The following ADGRV1 variants were observed in gnomAD, a reference collection of about 807,000 sequenced individuals.
The protein encoded by ADGRV1 is G-protein coupled receptor 98.
A neutral mutation model predicts 596.2 loss-of-function variants in ADGRV1; 359 were observed. The ratio of observed to expected loss-of-function variants is 0.60; its 90% confidence interval spans 0.55 to 0.66. ADGRV1 has a LOEUF of 0.66. Among genes scored for constraint, ADGRV1 ranks in the 30% least tolerant of loss-of-function variants. ADGRV1 has a pLI of 0.00. For missense variants in ADGRV1, 7,274 were observed against 7,575.6 expected (o/e 0.96, Z 1.48); for synonymous variants, 2,681 against 2,679.2 (o/e 1.00, Z -0.02).
chr5:90,822,200 T>A (rs1011270856), intron 75 of ADGRV1: 1 of 153,916 alleles, frequency 6.5e-6, no homozygotes, highest in South Asian at 2.0e-4. Flanking sequence ...CGTCACCCCT[T>A]TCTTTGACTC....
chr5:90,619,631 A>G (rs550759158), intron 4 of ADGRV1, among the ~76,000 whole-genome samples: 2 of 152,080 alleles, frequency 1.3e-5, no homozygotes, highest in Non-Finnish European at 2.9e-5. Context: ...TTTAAGTTTT[A>G]GGGTACATGT....
chr5:90,839,334 C>T (rs990270924), intron 77 of ADGRV1, among the ~76,000 whole-genome samples: 16 of 152,224 alleles, frequency 1.1e-4, no homozygotes, highest in Non-Finnish European at 1.8e-4. Context: ...CCTGCCGCAG[C>T]GTCCCCAGTA....
At position 90,859,592 on chromosome 5, in the gene ADGRV1, A is replaced by C. The variant is rs1279399900; in HGVS notation, c.17755+3691A>C. Among the ~76,000 whole-genome samples, 3 of 151,962 alleles carry C rather than the reference A, an allele frequency of 2.0e-5. No individual in the cohort carries two copies. The East Asian group carries it at 5.8e-4, about 30-fold the overall frequency. ...GGATTACAGGCACCGTGCCGGGATA[A>C]TTTAAAAAATTATTTTAAAATGTGG... On this transcript the variant is annotated intron_variant, in intron 82 of 89. Transcript: ENST00000405460.
chr5:90,916,157 T>A (rs944707665), intron 83 of ADGRV1, among the ~76,000 whole-genome samples: 2 of 141,374 alleles, frequency 1.4e-5, no homozygotes, highest in Non-Finnish European at 3.2e-5. Flanking sequence ...CTTAATTATG[T>A]TTTTATGGAT....
rs550263644 is a variant in ADGRV1 at position 90,652,512 on chromosome 5, A to G, written c.3583A>G (p.Lys1195Glu). The part of the protein sequence containing the change: ...KPIILHAFPD[K>E]IPEFNEFYFL... ...AATCATTCTCCATGCTTTTCCAGAT[A>G]AAATTCCTGAATTCAATGAATTTTA... The change falls in exon 19 of 90, where the codon AAA becomes GAA. Residue 1195 changes from lysine (K) to glutamate (E), a missense_variant. Physicochemically the swap from Lys to Glu is moderately conservative, Grantham distance 56. Coordinates refer to ENST00000405460, the MANE Select transcript of ADGRV1 (RefSeq NM_032119.4). The G allele has an allele frequency of 1.2e-6, 2 of 1,613,030 alleles. No homozygotes were observed. The highest frequency in any genetic ancestry group is 1.7e-5 in the Admixed American group (1 of 59,970).
rs1766796372 is a variant in ADGRV1, at chr5:90,854,111, A to T, written c.17504A>T (p.Asp5835Val). Reference protein sequence around the residue: ...KGQSSQLLTNDNEVLYRIYAA... With the variant: ...KGQSSQLLTNVNEVLYRIYAA... ...CAGAGTTCACAACTCCTGACTAATG[A>T]CAATGAGGTTCTCTACAGGATTTAT... is the stretch of plus-strand genomic sequence containing the variant. Residue 5835 changes from aspartate to valine, a missense_variant, in exon 81 of 90, where the codon GAC becomes GTC. Around this residue, in one of 5 missense-constraint regions of ADGRV1, gnomAD observed 1,874 missense variants for 1,970.2 expected, o/e 0.95. Coordinates refer to ENST00000405460, the MANE Select transcript of ADGRV1 (RefSeq NM_032119.4). 3.2e-6 allele frequency: 5 copies of T among 1,582,792 alleles called. No individual in the cohort carries two copies. Among genetic ancestry groups the T allele is most frequent in the Non-Finnish European group, 4.3e-6 (5 of 1,161,102 alleles).
intron 83 of ADGRV1, among the ~76,000 whole-genome samples, chr5:90,890,768 G>A (rs1770739700): frequency 6.6e-6 from 1 of 152,034 alleles, no homozygotes; most frequent in African/African-American, 2.4e-5. Flanking sequence ...GTTCTCTAAA[G>A]ACATTGTAAC....
In ADGRV1 at chr5:90,999,072, T is replaced by A. The variant is rs114301633; in HGVS notation, c.18152+13550T>A. Among the ~76,000 whole-genome samples the A allele has an allele frequency of 1.8e-3, 271 of 152,180 alleles. 1 individual carries two copies. Among genetic ancestry groups the A allele is most frequent in the African/African-American group, 6.4e-3 (264 of 41,572 alleles). ...CTGATTGCTTGCTCATGTTTTTCAA[T>A]GATTTAGAGAGTGTGCTTTGTTCTT... On this transcript the variant is annotated intron_variant, in intron 85 of 89. Transcript: ENST00000405460.
At chr5:91,106,699 A>G (rs561208077) in intron 87 of ADGRV1, among the ~76,000 whole-genome samples, 1 of 152,350 alleles carries the variant, frequency 6.6e-6, no homozygotes, top group East Asian at 1.9e-4. Flanking sequence ...CCTGGTTTGA[A>G]TGAATGGCTG....
chr5:90,630,888 G>C (rs1188573985), intron 9 of ADGRV1, among the ~76,000 whole-genome samples: 1 of 151,994 alleles, frequency 6.6e-6, no homozygotes, highest in Non-Finnish European at 1.5e-5. Context: ...ACTGCTTTCT[G>C]TGCTTGTTTC....
intron 87 of ADGRV1, among the ~76,000 whole-genome samples, chr5:91,103,127 A>G (rs1365676452): frequency 8.5e-5 from 13 of 152,214 alleles, no homozygotes; most frequent in Admixed American, 7.9e-4. Context: ...TGTAGCATAC[A>G]ATTGAAATGT....
At chr5:90,819,211 T>G (rs1170654239) in intron 75 of ADGRV1, among the ~76,000 whole-genome samples, 1 of 152,118 alleles carries the variant, frequency 6.6e-6, no homozygotes, top group Admixed American at 6.5e-5. Context: ...GTAGAGGTGT[T>G]TGTAGTATTC....
chr5:90,990,634 G>A (rs191683886), intron 85 of ADGRV1, among the ~76,000 whole-genome samples: 3 of 152,264 alleles, frequency 2.0e-5, no homozygotes, highest in East Asian at 3.9e-4. Context: ...ACCAGTCCAC[G>A]GCCCTGGGTT....
At chr5:90,591,106 AT>A (rs1759441613) in intron 1 of ADGRV1, among the ~76,000 whole-genome samples, 2 of 152,272 alleles carry the variant, frequency 1.3e-5, no homozygotes, top group South Asian at 4.1e-4. Flanking sequence ...AATATTTTTA[AT>A]GAGGCTGAGC....
rs774094968 is a variant in ADGRV1 at position 90,840,760 on chromosome 5, C to A, written c.16794C>A (p.Val5598=). Residue 5598 remains valine (V), a synonymous_variant, in exon 78 of 90, where the codon GTC becomes GTA. Coordinates refer to ENST00000405460, the MANE Select transcript of ADGRV1 (RefSeq NM_032119.4). The part of the protein sequence containing the change: ...LNSFPKRFQI[V]LFDPKGGARI... ...CATTTCCTAAACGCTTCCAGATTGT[C>A]CTTTTTGACCCAAAAGGTGGTGCCA... The A allele has an allele frequency of 1.9e-6, 3 of 1,613,984 alleles. No homozygotes were observed. In the South Asian group the frequency reaches 3.3e-5, roughly 18 times the overall value.
chr5:90,961,861 A>G (rs1028747743), intron 83 of ADGRV1, among the ~76,000 whole-genome samples: 2 of 152,166 alleles, frequency 1.3e-5, no homozygotes, highest in African/African-American at 4.8e-5. Context: ...TATATGTTAT[A>G]TAAAAATGGA....
At chr5:90,664,144 G>T (rs1213637472) in intron 21 of ADGRV1, among the ~76,000 whole-genome samples, 1 of 149,004 alleles carries the variant, frequency 6.7e-6, no homozygotes, top group African/African-American at 2.5e-5. Context: ...TTCCAATTCT[G>T]TGAAGAAAGT....
At chr5:90,559,990 G>A (rs1754598528) in intron 1 of ADGRV1, among the ~76,000 whole-genome samples, 1 of 152,090 alleles carries the variant, frequency 6.6e-6, no homozygotes, top group South Asian at 2.1e-4. Context: ...AGTAAGTGGC[G>A]AACTATTCCG....
chr5:91,068,681 A>G (rs943600611), intron 85 of ADGRV1, among the ~76,000 whole-genome samples: 2 of 152,122 alleles, frequency 1.3e-5, no homozygotes, highest in African/African-American at 4.8e-5. Flanking sequence ...GATTAGAGGA[A>G]TCAATATTGT....
Sources: allele counts gnomAD v4.1 joint callset (sites outside exome capture counted in the v4.1 genomes callset), GRCh38; gene constraint gnomAD v4.1.1; regional missense constraint gnomAD v4.1.1; transcripts MANE v1.5; gene names NCBI Gene and HGNC (gene_info 2026-07-23, HGNC 2026-07-21).